Variants in SHB observed in about 807,000 individuals in gnomAD.
SHB encodes SH2 domain-containing adapter protein B.
In SHB, 20 loss-of-function variants were observed where a neutral mutation model predicts 52.3. The ratio of observed to expected loss-of-function variants is 0.38; its 90% CI spans 0.27 to 0.56. SHB has a LOEUF of 0.56. SHB is among the 20% of genes least tolerant of loss of function. The pLI is 0.71. For missense variants in SHB, 825 were observed against 723.3 expected (o/e 1.14, Z -1.61); for synonymous variants, 397 against 316.5 (o/e 1.25, Z -2.70).
Position 37,955,868 on chromosome 9 carries a change from C to T in SHB, c.1226+15G>A, listed in dbSNP as rs752747150. 6 of 1,608,628 alleles carry T rather than the reference C, an allele frequency of 3.7e-6. No individual in the cohort carries two copies. The Admixed American group carries it at 5.0e-5, about 13-fold the overall frequency. ...AACTGGGAGGTGAGGTTGGGCTTTGCTCCCAAGAACTTACATTTGCTTCTC... is the reference window on the plus strand; with the variant it reads ...AACTGGGAGGTGAGGTTGGGCTTTGTTCCCAAGAACTTACATTTGCTTCTC... On this transcript the variant is annotated intron_variant, in intron 4 of 5. Coordinates refer to ENST00000377707, the MANE Select transcript of SHB (RefSeq NM_003028.3).
At position 38,015,992 on chromosome 9, in the gene SHB, G is replaced by C; in HGVS notation, c.838+19C>G. 6.2e-7 allele frequency: 1 copy of C among 1,613,520 alleles called. No individual in the cohort carries two copies. The highest frequency in any genetic ancestry group is 1.3e-5 in the African/African-American group (1 of 75,038). On this transcript the variant is annotated intron_variant, in intron 2 of 5. Transcript: ENST00000377707. ...CCTACAACCCCAGCTGTGAGCCCCT[G>C]CGCTTCAGCTCCACTTACCTGTCAT...
chr9:37,985,158 A>G (rs147984919), intron 2 of SHB, among the ~76,000 whole-genome samples: 46 of 152,328 alleles, frequency 3.0e-4, no homozygotes, highest in African/African-American at 9.9e-4. Context: ...TCACCTTAGG[A>G]GCAGAGCAGG....
Position 37,917,652 on chromosome 9 carries a change from C to T in SHB, c.*2169G>A, listed in dbSNP as rs924407297. 2.0e-5 allele frequency among the ~76,000 whole-genome samples: 3 copies of T among 152,252 alleles called. No individual in the cohort carries two copies. The highest frequency in any genetic ancestry group is 4.8e-5 in the African/African-American group (2 of 41,476). The stretch of plus-strand genomic sequence containing the variant: ...CCTCTGTTTGGCCAAGTGCCAACTC[C>T]TCACTCATCTTGTCATTTCCCACCT... On this transcript the variant is annotated 3_prime_UTR_variant, in exon 6 of 6. Transcript: ENST00000377707.
chr9:38,002,073 A>G (rs868046239), intron 2 of SHB, among the ~76,000 whole-genome samples: 8 of 152,138 alleles, frequency 5.3e-5, no homozygotes, highest in Admixed American at 6.5e-5. Flanking sequence ...CTGGCACTAC[A>G]GCTGGCTGAC....
intron 1 of SHB, among the ~76,000 whole-genome samples, chr9:38,028,360 G>A (rs1232708301): frequency 5.9e-5 from 9 of 152,176 alleles, no homozygotes; most frequent in Non-Finnish European, 1.0e-4. Flanking sequence ...AAGTCCATGT[G>A]GGCCAGGCCA....
chr9:37,971,988 C>A (rs534722286), intron 3 of SHB, among the ~76,000 whole-genome samples: 1 of 152,268 alleles, frequency 6.6e-6, no homozygotes, highest in East Asian at 1.9e-4. Context: ...GGGATGGGAC[C>A]TGAGACCCTG....
At chr9:37,945,936 C>G (rs1832486086) in intron 5 of SHB, among the ~76,000 whole-genome samples, 1 of 152,172 alleles carries the variant, frequency 6.6e-6, no homozygotes, top group Admixed American at 6.5e-5. Context: ...GGACTCCTAT[C>G]CAGAATTCTG....
chr9:37,968,575 G>T (rs921888135), intron 3 of SHB, among the ~76,000 whole-genome samples: 5 of 152,218 alleles, frequency 3.3e-5, no homozygotes, highest in African/African-American at 1.2e-4. Context: ...GACACTGCCT[G>T]AAGAGTAACT....
chr9:38,039,151 A>G (rs897153118), intron 1 of SHB, among the ~76,000 whole-genome samples: 3 of 152,230 alleles, frequency 2.0e-5, no homozygotes, highest in African/African-American at 7.2e-5. Flanking sequence ...TGGAATGGTG[A>G]AAAGCATCCT....
chr9:37,955,483 TTTA>T (rs1832617974), intron 4 of SHB, among the ~76,000 whole-genome samples: 1 of 152,030 alleles, frequency 6.6e-6, no homozygotes, highest in South Asian at 2.1e-4. Flanking sequence ...TGGGTATTTA[TTTA>T]TTTTTTTTTG....
At position 38,064,655 on chromosome 9, in the gene SHB, G is replaced by A. The variant is rs147796449; in HGVS notation, c.717+3274C>T. 2.2e-3 allele frequency among the ~76,000 whole-genome samples: 341 copies of A among 152,312 alleles called. 1 individual carries two copies. Among genetic ancestry groups the A allele is most frequent in the African/African-American group, 7.9e-3 (329 of 41,552 alleles). On this transcript the variant is annotated intron_variant, in intron 1 of 5. Transcript: ENST00000377707. ...CTGGGAAACAAAGGATGAAATTCCT[G>A]TCAATCTCCTCCAGGAGCTCAGGCC...
chr9:38,013,040 C>T (rs141663551), intron 2 of SHB, among the ~76,000 whole-genome samples: 13 of 151,894 alleles, frequency 8.6e-5, no homozygotes, highest in East Asian at 3.9e-4. Flanking sequence ...ACTGGGGTGA[C>T]GCCACAAAGA....
intron 1 of SHB, among the ~76,000 whole-genome samples, chr9:38,023,413 CGTGTCCTT>C: frequency 6.6e-6 from 1 of 152,220 alleles, no homozygotes; most frequent in South Asian, 2.1e-4. Flanking sequence ...AAGAAAAGGC[CGTGTCCTT>C]GTTACAGAGC....
intron 5 of SHB, among the ~76,000 whole-genome samples, chr9:37,942,864 G>A (rs1342732196): frequency 6.6e-6 from 1 of 152,064 alleles, no homozygotes; most frequent in Non-Finnish European, 1.5e-5. Flanking sequence ...CTCGGTCTGT[G>A]CCAGTTCACG....
At chr9:38,036,441 C>T (rs749073505) in intron 1 of SHB, among the ~76,000 whole-genome samples, 12 of 152,258 alleles carry the variant, frequency 7.9e-5, no homozygotes, top group Non-Finnish European at 1.6e-4. Flanking sequence ...CCACTAAAGA[C>T]TTGCCAAAAC....
At chr9:38,065,206 A>T (rs1462111070) in intron 1 of SHB, among the ~76,000 whole-genome samples, 1 of 152,164 alleles carries the variant, frequency 6.6e-6, no homozygotes, top group African/African-American at 2.4e-5. Context: ...GCCTCCCAAA[A>T]GCTGTCTGGC....
intron 1 of SHB, among the ~76,000 whole-genome samples, chr9:38,065,587 C>T (rs1012417011): frequency 2.0e-5 from 3 of 152,158 alleles, no homozygotes; most frequent in South Asian, 2.1e-4. Flanking sequence ...TGCACTATAA[C>T]GTCCTGCTGA....
At chr9:38,043,681 G>A (rs953199683) in intron 1 of SHB, among the ~76,000 whole-genome samples, 7 of 152,092 alleles carry the variant, frequency 4.6e-5, no homozygotes, top group Non-Finnish European at 1.0e-4. Flanking sequence ...CCTGAGGTCG[G>A]GAGTTTGAGA....
intron 1 of SHB, among the ~76,000 whole-genome samples, chr9:38,034,987 C>G (rs531581914): frequency 8.5e-5 from 13 of 152,246 alleles, no homozygotes; most frequent in Admixed American, 7.9e-4. Context: ...ATGAGCCACC[C>G]CATCCGGCCT....
Sources: gnomAD v4.1 joint callset for allele counts (sites outside exome capture counted in the v4.1 genomes callset) on GRCh38, gnomAD v4.1.1 for gene constraint, MANE v1.5 for transcripts, NCBI Gene and HGNC (gene_info 2026-07-23, HGNC 2026-07-21) for gene names.